PDE1A: variants seen among roughly 807,000 people sequenced by gnomAD.
PDE1A encodes phosphodiesterase 1A, also known as dual specificity calcium/calmodulin-dependent 3',5'-cyclic nucleotide phosphodiesterase 1A.
Under a neutral mutation model 61.7 loss-of-function variants are expected in PDE1A, and 35 were observed. That is an observed-to-expected ratio of 0.57 (90% CI 0.43 to 0.75). PDE1A has a LOEUF of 0.75. PDE1A is among the 30% of genes least tolerant of loss of function. PDE1A has a pLI of 0.00. For missense variants in PDE1A, 597 were observed against 630.6 expected (o/e 0.95, Z 0.57); for synonymous variants, 232 against 213.2 (o/e 1.09, Z -0.77).
At chr2:182,548,915 G>T in the PDE1A span, among the ~76,000 whole-genome samples, 1 of 152,178 alleles carries the variant, frequency 6.6e-6, no homozygotes, top group Non-Finnish European at 1.5e-5. Flanking sequence ...AAGTATTTTT[G>T]ATAATCACAA....
chr2:182,455,226 A>G (rs1156455568), intron 2 of PDE1A, among the ~76,000 whole-genome samples: 2 of 152,224 alleles, frequency 1.3e-5, no homozygotes, highest in Non-Finnish European at 2.9e-5. Flanking sequence ...CACACCAGTT[A>G]GAATGGTGAT....
At chr2:182,505,897 T>A (rs925410636) in intron 2 of PDE1A, among the ~76,000 whole-genome samples, 1 of 152,058 alleles carries the variant, frequency 6.6e-6, no homozygotes, top group Admixed American at 6.5e-5. Flanking sequence ...ATAAATAATA[T>A]CTTTGGAAAA....
intron 2 of PDE1A, among the ~76,000 whole-genome samples, chr2:182,499,278 G>C (rs1688945159): frequency 6.8e-6 from 1 of 147,244 alleles, no homozygotes; most frequent in East Asian, 2.1e-4. Context: ...CCGGGTTCAC[G>C]CCATTCTCCT....
downstream of PDE1A, among the ~76,000 whole-genome samples, chr2:182,143,929 C>A (rs1690358682): frequency 6.6e-6 from 1 of 152,014 alleles, no homozygotes; most frequent in African/African-American, 2.4e-5. Flanking sequence ...TGTTCAATTC[C>A]AGTAAAAACT....
chr2:182,317,252 CTT>C (rs34087191), intron 1 of PDE1A, among the ~76,000 whole-genome samples: 5 of 142,626 alleles, frequency 3.5e-5, no homozygotes, highest in Admixed American at 7.1e-5. Context: ...TTCTCACAAA[CTT>C]TTTTTTTTTT....
chr2:182,218,982 T>G (rs567845772), intron 7 of PDE1A, among the ~76,000 whole-genome samples: 2 of 152,126 alleles, frequency 1.3e-5, no homozygotes, highest in Non-Finnish European at 2.9e-5. Flanking sequence ...AACAAACCCC[T>G]TTGTACCCAT....
downstream of PDE1A, among the ~76,000 whole-genome samples, chr2:182,143,641 G>A (rs897555853): frequency 2.0e-5 from 3 of 151,646 alleles, no homozygotes; most frequent in African/African-American, 7.3e-5. Flanking sequence ...TCAGCCTCCC[G>A]AGTAGCTGGG....
rs201533399 is a variant in PDE1A, at chr2:182,236,346, GT to G, written c.351-1849del. Among the ~76,000 whole-genome samples the G allele has an allele frequency of 1.1e-3, 156 of 141,408 alleles. 1 individual carries two copies. Among genetic ancestry groups the G allele is most frequent in the South Asian group, 2.0e-3 (9 of 4,474 alleles). 92.8% of individuals were successfully genotyped at this position (141,408 alleles called of 152,430 possible). ...TTACTATCAACAGTGATACTCAGGT[GT>G]TTTTTTTTTTTGGAAACAGTCTTTT... On this transcript the variant is annotated intron_variant, in intron 3 of 13. Coordinates refer to ENST00000351439, the Ensembl canonical transcript of PDE1A.
At chr2:182,364,494 A>AC (rs1699722598) in intron 1 of PDE1A, among the ~76,000 whole-genome samples, 2 of 145,662 alleles carry the variant, frequency 1.4e-5, no homozygotes, top group Admixed American at 6.9e-5. Flanking sequence ...AAAAAAAAAA[A>AC]AAAAACCTTA....
At chr2:182,412,827 G>A (rs558884213) in intron 1 of PDE1A, among the ~76,000 whole-genome samples, 1 of 152,236 alleles carries the variant, frequency 6.6e-6, no homozygotes, top group East Asian at 1.9e-4. Context: ...GGGGAAATAG[G>A]ACATGCATTA....
At chr2:182,688,483 G>C in the PDE1A span, among the ~76,000 whole-genome samples, 2 of 152,208 alleles carry the variant, frequency 1.3e-5, no homozygotes, top group Non-Finnish European at 2.9e-5. Context: ...AATGCCGAGA[G>C]ATTTTGTCAC....
chr2:182,704,046 A>G, the PDE1A span, among the ~76,000 whole-genome samples: 1 of 72,130 alleles, frequency 1.4e-5, no homozygotes, highest in Non-Finnish European at 2.6e-5. Flanking sequence ...ACTAAAAATT[A>G]CAAAAAAAAA....
rs192272397 is a variant in PDE1A at position 182,219,052 on chromosome 2, A to T, written c.776+4812T>A. 3.4e-3 allele frequency among the ~76,000 whole-genome samples: 514 copies of T among 152,222 alleles called. 2 individuals are homozygous for T. The highest frequency in any genetic ancestry group is 0.012 in the African/African-American group (501 of 41,548). On this transcript the variant is annotated intron_variant, in intron 7 of 13. Transcript: ENST00000351439. ...CTAAAATTACTTTGGGTAGCAGGTGAAGGGGATGATGAAAATCATTTGATC... is the reference window on the plus strand; with the variant it reads ...CTAAAATTACTTTGGGTAGCAGGTGTAGGGGATGATGAAAATCATTTGATC...
At chr2:182,145,851 T>C (rs1490757861), downstream of PDE1A, among the ~76,000 whole-genome samples, 1 of 152,214 alleles carries the variant, frequency 6.6e-6, no homozygotes, top group Non-Finnish European at 1.5e-5. Context: ...GTCTAACAAC[T>C]AACTGTCTTT....
intron 2 of PDE1A, among the ~76,000 whole-genome samples, chr2:182,497,539 G>A (rs1688789849): frequency 6.6e-6 from 1 of 152,198 alleles, no homozygotes; most frequent in Admixed American, 6.5e-5. Flanking sequence ...ACAGAGGTGA[G>A]AGAGGTTAAA....
chr2:182,595,883 A>G, the PDE1A span, among the ~76,000 whole-genome samples: 46 of 152,316 alleles, frequency 3.0e-4, no homozygotes, highest in Middle Eastern at 3.4e-3. Context: ...CAATGCTTAT[A>G]AAATAGAAGT....
the PDE1A span, among the ~76,000 whole-genome samples, chr2:182,628,386 T>G: frequency 5.6e-4 from 85 of 152,234 alleles, no homozygotes; most frequent in Non-Finnish European, 9.1e-4. Context: ...ATATACCTCA[T>G]AATTAATTTG....
the PDE1A span, among the ~76,000 whole-genome samples, chr2:182,679,777 T>C: frequency 1.3e-5 from 2 of 152,204 alleles, no homozygotes; most frequent in African/African-American, 2.4e-5. Context: ...AGATCTAATG[T>C]GATTTTATTT....
chr2:182,653,980 A>G, the PDE1A span, among the ~76,000 whole-genome samples: 1 of 152,202 alleles, frequency 6.6e-6, no homozygotes. Context: ...TAGTGGACAA[A>G]TGAAATGATC....
Sources: allele counts gnomAD v4.1 joint callset (sites outside exome capture counted in the v4.1 genomes callset), GRCh38; gene constraint gnomAD v4.1.1; transcripts MANE v1.5; gene names NCBI Gene and HGNC (gene_info 2026-07-23, HGNC 2026-07-21).